Variants in SPAG6 observed in about 807,000 individuals in gnomAD.
SPAG6 encodes sperm-associated antigen 6.
In SPAG6, 49 loss-of-function variants were observed where a neutral mutation model predicts 58.5. The observed-to-expected ratio is 0.84, with a 90% CI of 0.67 to 1.06. The LOEUF is 1.06. SPAG6 is among the 50% of genes least tolerant of loss of function. The pLI, the probability that SPAG6 is intolerant of heterozygous loss-of-function variation, is 0.00. For synonymous variants in SPAG6, 233 were observed against 225.6 expected (o/e 1.03, Z -0.29); for missense variants, 560 against 611.3 (o/e 0.92, Z 0.89).
intron 4 of SPAG6, among the ~76,000 whole-genome samples, chr10:22,379,175 C>G (rs1833893998): frequency 6.6e-6 from 1 of 152,148 alleles, no homozygotes; most frequent in Admixed American, 6.6e-5. Flanking sequence ...TTCTCACTTC[C>G]ACCTGCAATT....
Position 22,389,289 on chromosome 10 carries a change from G to A in SPAG6, c.982G>A (p.Ala328Thr), listed in dbSNP as rs749791101. The A allele has an allele frequency of 6.2e-7, 1 of 1,612,206 alleles. No individual in the cohort carries two copies. The highest frequency in any genetic ancestry group is 1.1e-5 in the South Asian group (1 of 90,998). ...TGTAGCAGCTCATTCTGAGAACCTA[G>A]CAATGGCAGTCATCATTTCTAAGGT... Reference protein sequence around the residue: ...GYVAAHSENLAMAVIISKGVP... With the variant: ...GYVAAHSENLTMAVIISKGVP... The change falls in exon 7 of 11, where the codon GCA becomes ACA. Residue 328 changes from alanine (A) to threonine (T), a missense_variant. By Grantham distance (58) the Ala-to-Thr change is moderately conservative. Transcript: ENST00000376624.
chr10:22,348,732 G>T (rs184148557), intron 2 of SPAG6, among the ~76,000 whole-genome samples: 33 of 152,284 alleles, frequency 2.2e-4, no homozygotes, highest in Non-Finnish European at 4.1e-4. Context: ...ACTAATAAGA[G>T]AATTTGCTTT....
chr10:22,378,055 CTTTTTTTTTTT>C (rs776198268), intron 4 of SPAG6, among the ~76,000 whole-genome samples: 2 of 123,012 alleles, frequency 1.6e-5, no homozygotes, highest in South Asian at 2.5e-4. Flanking sequence ...CTTTTCTTTT[CTTTTTTTTTTT>C]TTTTTTTTTC....
chr10:22,392,643 A>T (rs1216794639), intron 8 of SPAG6, among the ~76,000 whole-genome samples: 6 of 152,144 alleles, frequency 3.9e-5, no homozygotes, highest in Non-Finnish European at 7.4e-5. Context: ...GTTTGAGGGA[A>T]GTTCACAGAA....
intron 2 of SPAG6, among the ~76,000 whole-genome samples, chr10:22,352,594 T>G (rs948765777): frequency 6.6e-6 from 1 of 152,226 alleles, no homozygotes; most frequent in African/African-American, 2.4e-5. Flanking sequence ...CTCTGATCAC[T>G]GCAACCTCCA....
chr10:22,387,103 CTT>C, intron 5 of SPAG6, 144 bp downstream of exon 5: 4 of 657,626 alleles, frequency 6.1e-6, no homozygotes, highest in South Asian at 3.8e-5. Context: ...TATTTGGTCT[CTT>C]AATATGTGAA....
At chr10:22,378,316 G>A (rs905906589) in intron 4 of SPAG6, among the ~76,000 whole-genome samples, 4 of 151,606 alleles carry the variant, frequency 2.6e-5, no homozygotes, top group Admixed American at 6.6e-5. Flanking sequence ...TGCCCACTTC[G>A]GCCTCCCTAA....
At chr10:22,367,684 A>C (rs1436217392) in intron 3 of SPAG6, among the ~76,000 whole-genome samples, 1 of 152,196 alleles carries the variant, frequency 6.6e-6, no homozygotes, top group Non-Finnish European at 1.5e-5. Context: ...TGTCACAGCC[A>C]CATATTTCCT....
intron 8 of SPAG6, among the ~76,000 whole-genome samples, chr10:22,396,593 A>T (rs1387499378): frequency 6.6e-6 from 1 of 152,214 alleles, no homozygotes; most frequent in Non-Finnish European, 1.5e-5. Flanking sequence ...AACAATTAGT[A>T]ATTTTTGGTA....
At chr10:22,397,223 C>T (rs796859008) in intron 8 of SPAG6, among the ~76,000 whole-genome samples, 2 of 152,030 alleles carry the variant, frequency 1.3e-5, no homozygotes, top group East Asian at 1.9e-4. Context: ...CACACACACA[C>T]GCACACACAC....
Position 22,391,907 on chromosome 10 carries a change from A to C in SPAG6, c.1184A>C (p.Asp395Ala), listed in dbSNP as rs1834193051. The change falls in exon 8 of 11, where the codon GAT becomes GCT. Residue 395 changes from aspartate to alanine, a missense_variant. Asp to Ala is a moderately radical substitution (Grantham distance 126). Transcript: ENST00000376624. ...SLYMSTESSE[D>A]LQVKSKKAIK... ...TACATGTCAACAGAAAGTTCTGAGGATCTCCAAGTAAAAGTAAGTGCTTAA... is the reference window on the plus strand; with the variant it reads ...TACATGTCAACAGAAAGTTCTGAGGCTCTCCAAGTAAAAGTAAGTGCTTAA... 2.5e-6 allele frequency: 4 copies of C among 1,610,892 alleles called. No homozygotes were observed. The African/African-American group carries it at 5.3e-5, about 22-fold the overall frequency.
intron 9 of SPAG6, among the ~76,000 whole-genome samples, chr10:22,401,890 G>C (rs896967624): frequency 6.6e-6 from 1 of 152,178 alleles, no homozygotes; most frequent in Non-Finnish European, 1.5e-5. Context: ...TGTTACCACA[G>C]ACACTGATAG....
At chr10:22,379,369 T>C (rs1833898753) in intron 4 of SPAG6, among the ~76,000 whole-genome samples, 1 of 152,232 alleles carries the variant, frequency 6.6e-6, no homozygotes, top group Non-Finnish European at 1.5e-5. Context: ...CAATGCACTA[T>C]AGCAGAGGCA....
At chr10:22,349,141 G>A (rs566118072) in intron 2 of SPAG6, among the ~76,000 whole-genome samples, 9 of 152,046 alleles carry the variant, frequency 5.9e-5, no homozygotes, top group Non-Finnish European at 1.0e-4. Flanking sequence ...GAGCCGCCAC[G>A]CCTGGGTAGT....
intron 9 of SPAG6, among the ~76,000 whole-genome samples, chr10:22,401,969 G>A (rs1379063846): frequency 1.3e-5 from 2 of 152,158 alleles, no homozygotes; most frequent in Admixed American, 6.5e-5. Flanking sequence ...TTAGGAAAAT[G>A]GGGTCTGTAC....
intron 4 of SPAG6, among the ~76,000 whole-genome samples, chr10:22,378,359 T>G (rs966250821): frequency 2.6e-5 from 4 of 151,748 alleles, no homozygotes; most frequent in Non-Finnish European, 2.9e-5. Flanking sequence ...CCAGTGCGTC[T>G]GGCCATGAGT....
intron 7 of SPAG6, among the ~76,000 whole-genome samples, chr10:22,390,355 A>G (rs113651489): frequency 0.015 from 2,308 of 152,192 alleles, 43 homozygotes; most frequent in African/African-American, 0.052. Context: ...TGCTTCCCAT[A>G]TGCCTTCCTG....
intron 4 of SPAG6, among the ~76,000 whole-genome samples, chr10:22,374,879 C>T (rs114034897): frequency 0.013 from 2,010 of 152,236 alleles, 40 homozygotes; most frequent in African/African-American, 0.046. Context: ...AACAACTGAA[C>T]AGTCCTTGGC....
At chr10:22,351,927 C>G (rs1836737719) in intron 2 of SPAG6, among the ~76,000 whole-genome samples, 1 of 152,132 alleles carries the variant, frequency 6.6e-6, no homozygotes, top group Non-Finnish European at 1.5e-5. Flanking sequence ...AATCCCAGCA[C>G]TTTGGGAGGC....
Sources: allele counts gnomAD v4.1 joint callset (sites outside exome capture counted in the v4.1 genomes callset), GRCh38; gene constraint gnomAD v4.1.1; transcripts MANE v1.5; gene names NCBI Gene and HGNC (gene_info 2026-07-23, HGNC 2026-07-21).